Variants in ZNF713 observed in about 807,000 individuals in gnomAD.
ZNF713 encodes the protein zinc finger protein 713.
In ZNF713, 21 loss-of-function variants were observed where a neutral mutation model predicts 28.7. The observed-to-expected ratio is 0.73, with a 90% confidence interval of 0.52 to 1.05. The LOEUF is 1.05. Ranked by LOEUF, ZNF713 falls within the 50% of genes least tolerant of loss-of-function variation. The pLI is 0.00. For synonymous variants in ZNF713, 167 were observed against 178.0 expected (o/e 0.94, Z 0.49); for missense variants, 458 against 532.4 (o/e 0.86, Z 1.37).
chr7:55,938,830 G>T, intron 6 of ZNF713, 152 bp from the exon 7 acceptor site: 1 of 713,796 alleles, frequency 1.4e-6, no homozygotes, highest in Non-Finnish European at 2.2e-6. Flanking sequence ...CCTTTGTGAC[G>T]TGGCCACATT....
At chr7:55,903,729 G>A (rs932338721) in intron 1 of ZNF713, among the ~76,000 whole-genome samples, 5 of 151,282 alleles carry the variant, frequency 3.3e-5, no homozygotes, top group African/African-American at 1.2e-4. Context: ...AACCTCACCT[G>A]GTCTGTGATG....
chr7:55,932,700 A>C (rs1254811680), intron 6 of ZNF713, among the ~76,000 whole-genome samples: 2 of 147,370 alleles, frequency 1.4e-5, no homozygotes, highest in South Asian at 2.2e-4. Context: ...CTGGCTAACA[A>C]GGTGAAACCC....
chr7:55,928,550 C>G (rs1384380322), intron 6 of ZNF713, among the ~76,000 whole-genome samples: 1 of 152,076 alleles, frequency 6.6e-6, no homozygotes, highest in African/African-American at 2.4e-5. Context: ...GTGGAGCAGG[C>G]AAGGTCCAGA....
intron 1 of ZNF713, among the ~76,000 whole-genome samples, chr7:55,900,467 C>CA (rs201434785): frequency 0.16 from 22,314 of 140,440 alleles, 1,821 homozygotes; most frequent in Non-Finnish European, 0.19. Flanking sequence ...GACTCCATTT[C>CA]AAAAAAAAAA....
intron 1 of ZNF713, among the ~76,000 whole-genome samples, chr7:55,900,507 A>C (rs376000704): frequency 2.8e-4 from 43 of 152,268 alleles, no homozygotes; most frequent in African/African-American, 9.6e-4. Flanking sequence ...ATGGAATACT[A>C]TTCAGCCTTC....
intron 4 of ZNF713, among the ~76,000 whole-genome samples, chr7:55,921,246 G>A (rs1003728145): frequency 2.0e-5 from 3 of 152,100 alleles, no homozygotes; most frequent in African/African-American, 7.2e-5. Flanking sequence ...GGTTACCCAG[G>A]AGCTCTGATG....
At chr7:55,907,575 C>T (rs1248502506) in intron 2 of ZNF713, among the ~76,000 whole-genome samples, 6 of 152,244 alleles carry the variant, frequency 3.9e-5, no homozygotes, top group African/African-American at 1.2e-4. Flanking sequence ...GAACATTGCA[C>T]CTAGTAGGTA....
At chr7:55,923,321 G>A (rs369544895) in intron 5 of ZNF713, 33 bp downstream of exon 5, 16 of 1,581,448 alleles carry the variant, frequency 1.0e-5, no homozygotes, top group Admixed American at 1.9e-5. Context: ...ACCGGAAGCC[G>A]TTCACGTGGG....
intron 1 of ZNF713, among the ~76,000 whole-genome samples, chr7:55,894,409 G>T (rs1316927082): frequency 6.6e-6 from 1 of 152,034 alleles, no homozygotes; most frequent in Non-Finnish European, 1.5e-5. Context: ...GTGGAAAAAT[G>T]GACAGATGAC....
At chr7:55,887,834 G>C (rs1209979434) in intron 1 of ZNF713, among the ~76,000 whole-genome samples, 154 bp downstream of exon 1, 97 of 8,352 alleles carry the variant, frequency 0.012, 31 homozygotes, top group African/African-American at 0.025. Flanking sequence ...CGGGCGGCGG[G>C]CGGCGGGCGG....
At chr7:55,926,997 C>T (rs1179327497) in intron 6 of ZNF713, among the ~76,000 whole-genome samples, 1 of 151,948 alleles carries the variant, frequency 6.6e-6, no homozygotes, top group Admixed American at 6.6e-5. Flanking sequence ...CAAAACTTAG[C>T]CAGGCATGGT....
intron 2 of ZNF713, among the ~76,000 whole-genome samples, chr7:55,906,752 T>C (rs908015273): frequency 5.3e-5 from 8 of 152,204 alleles, no homozygotes; most frequent in South Asian, 2.1e-4. Context: ...ATGACACTTA[T>C]GGGGCGTCCT....
chr7:55,923,398 ATGC>A, intron 5 of ZNF713, 110 bp downstream of exon 5: 2 of 1,419,756 alleles, frequency 1.4e-6, no homozygotes, highest in Non-Finnish European at 1.9e-6. Context: ...GGATAGAAGA[ATGC>A]TAATCAGTTT....
chr7:55,932,991 A>G (rs1186042930), intron 6 of ZNF713, among the ~76,000 whole-genome samples: 2 of 151,536 alleles, frequency 1.3e-5, no homozygotes, highest in Admixed American at 6.6e-5. Flanking sequence ...CAATCCCAGC[A>G]CTTTGGGAGG....
chr7:55,916,633 C>T (rs892837935), intron 4 of ZNF713, among the ~76,000 whole-genome samples: 3 of 152,162 alleles, frequency 2.0e-5, no homozygotes, highest in Non-Finnish European at 4.4e-5. Flanking sequence ...ATTCATTAAA[C>T]ACATGGGGAA....
chr7:55,914,689 G>A (rs773149175), intron 4 of ZNF713, among the ~76,000 whole-genome samples: 7 of 152,146 alleles, frequency 4.6e-5, no homozygotes, highest in Non-Finnish European at 8.8e-5. Flanking sequence ...AGCAGGTAGG[G>A]TTTGGAGATT....
intron 6 of ZNF713, among the ~76,000 whole-genome samples, chr7:55,938,572 G>T (rs1562750758): frequency 6.6e-6 from 1 of 151,758 alleles, no homozygotes; most frequent in South Asian, 2.2e-4. Flanking sequence ...TGAACAAGTA[G>T]CTGGCATTAC....
At chr7:55,900,825 GTC>G (rs1269801856) in intron 1 of ZNF713, among the ~76,000 whole-genome samples, 3 of 152,088 alleles carry the variant, frequency 2.0e-5, no homozygotes, top group African/African-American at 7.2e-5. Flanking sequence ...TTTTCTTTCT[GTC>G]TCTCTGTCTC....
chr7:55,927,315 C>G (rs551540846), intron 6 of ZNF713, among the ~76,000 whole-genome samples: 57 of 152,134 alleles, frequency 3.7e-4, no homozygotes, highest in African/African-American at 1.4e-3. Flanking sequence ...CCCTTGAGCC[C>G]GGGAGTTCAA....
Sources: gnomAD v4.1 joint callset for allele counts (sites outside exome capture counted in the v4.1 genomes callset) on GRCh38, gnomAD v4.1.1 for gene constraint, MANE v1.5 for transcripts, NCBI Gene and HGNC (gene_info 2026-07-23, HGNC 2026-07-21) for gene names.